Variants in HIVEP3 observed in about 807,000 individuals in gnomAD.
HIVEP3 encodes the protein HIVEP zinc finger 3.
HIVEP3 carries 49 observed loss-of-function variants against 152.8 expected under a neutral mutation model. The ratio of observed to expected loss-of-function variants is 0.32; its 90% CI spans 0.26 to 0.41. The LOEUF is 0.41. Ranked by LOEUF, HIVEP3 falls within the 10% of genes least tolerant of loss-of-function variation. The pLI is 1.00. For missense variants in HIVEP3, 2,790 were observed against 3,103.3 expected (o/e 0.90, Z 2.40); for synonymous variants, 1,269 against 1,289.0 (o/e 0.98, Z 0.33).
At chr1:41,517,108 C>T (rs1199584962) in intron 7 of HIVEP3, among the ~76,000 whole-genome samples, 1 of 152,218 alleles carries the variant, frequency 6.6e-6, no homozygotes, top group African/African-American at 2.4e-5. Flanking sequence ...AAAAGTGGCT[C>T]TGAGCATCCT....
intron 1 of HIVEP3, among the ~76,000 whole-genome samples, chr1:41,746,308 T>C (rs1166685882): frequency 6.6e-6 from 1 of 152,258 alleles, no homozygotes; most frequent in Admixed American, 6.5e-5. Flanking sequence ...TCAACCCCGT[T>C]TGCTTCAGAT....
At chr1:41,972,895 CTT>C (rs1645238851) in intron 1 of HIVEP3, among the ~76,000 whole-genome samples, 1 of 152,016 alleles carries the variant, frequency 6.6e-6, no homozygotes, top group South Asian at 2.1e-4. Flanking sequence ...TTTGGAAACT[CTT>C]TTCAATAATT....
At chr1:41,780,601 G>A (rs1467944173) in intron 1 of HIVEP3, among the ~76,000 whole-genome samples, 1 of 152,202 alleles carries the variant, frequency 6.6e-6, no homozygotes, top group Non-Finnish European at 1.5e-5. Context: ...TCTGGGGAAA[G>A]GATAAGGCAG....
intron 1 of HIVEP3, among the ~76,000 whole-genome samples, chr1:41,978,325 G>GCCC (rs1015786913): frequency 2.0e-5 from 3 of 152,050 alleles, no homozygotes; most frequent in Admixed American, 2.0e-4. Flanking sequence ...GAAGCCCTAA[G>GCCC]CCCCGATATG....
chr1:41,723,500 A>G (rs60788313), intron 1 of HIVEP3, among the ~76,000 whole-genome samples: 26 of 102,508 alleles, frequency 2.5e-4, no homozygotes, highest in African/African-American at 1.4e-3. Context: ...ACACACAGCC[A>G]CCACACACAC....
intron 5 of HIVEP3, among the ~76,000 whole-genome samples, chr1:41,550,869 C>T (rs1643886759): frequency 6.6e-6 from 1 of 152,186 alleles, no homozygotes; most frequent in Non-Finnish European, 1.5e-5. Flanking sequence ...CCCTTTATTT[C>T]TTTCTCTTGC....
Position 41,700,919 on chromosome 1 carries a change from C to A in HIVEP3, c.-724G>T. On this transcript the variant is annotated 5_prime_UTR_variant, in exon 2 of 9. Transcript: ENST00000372583. ...GTGGGGGATGGGGAGGGCTCACCTG[C>A]CAAAAACCAGCCGTGGTCTCATGGT... 2 of 985,160 alleles carry A rather than the reference C, an allele frequency of 2.0e-6. No homozygotes were observed. The highest frequency in any genetic ancestry group is 2.3e-4 in the East Asian group (2 of 8,818). The allele number at this position is 985,160 out of a possible 1,614,324, so 61.0% of individuals were successfully genotyped here.
intron 1 of HIVEP3, among the ~76,000 whole-genome samples, chr1:41,745,717 G>A (rs1305645206): frequency 6.6e-6 from 1 of 152,236 alleles, no homozygotes; most frequent in African/African-American, 2.4e-5. Context: ...AGGGCAGGAT[G>A]ACGTGGATGA....
At position 41,513,503 on chromosome 1, in the gene HIVEP3, G is replaced by C. The variant is rs141816288; in HGVS notation, c.5718C>G (p.Pro1906=). 2 of 1,603,802 alleles carry C rather than the reference G, an allele frequency of 1.2e-6. No individual in the cohort carries two copies. Among genetic ancestry groups the C allele is most frequent in the African/African-American group, 1.3e-5 (1 of 74,900 alleles). The part of the protein sequence containing the change: ...PILGPQPPDA[P]ASGTEATRGS... ...CTCGTGTAGCCTCCGTGCCAGAGGC[G>C]GGGGCATCTGGGGGCTGAGGGCCCA... Residue 1906 remains proline (P), a synonymous_variant, in exon 8 of 9, where the codon CCC becomes CCG. Coordinates refer to ENST00000372583, the MANE Select transcript of HIVEP3 (RefSeq NM_024503.5).
chr1:41,987,784 C>G (rs1645332737), intron 1 of HIVEP3, among the ~76,000 whole-genome samples: 1 of 152,182 alleles, frequency 6.6e-6, no homozygotes, highest in Non-Finnish European at 1.5e-5. Context: ...GCTTAATTGA[C>G]TCAGTTCTGC....
intron 6 of HIVEP3, among the ~76,000 whole-genome samples, chr1:41,522,403 T>C (rs1642782498): frequency 6.6e-6 from 1 of 152,228 alleles, no homozygotes; most frequent in Non-Finnish European, 1.5e-5. Flanking sequence ...GCTCCCTTCG[T>C]TGGTTCTGGA....
intron 3 of HIVEP3, among the ~76,000 whole-genome samples, chr1:41,593,772 C>A (rs986953786): frequency 6.6e-6 from 1 of 152,234 alleles, no homozygotes; most frequent in Non-Finnish European, 1.5e-5. Context: ...TGGCTTAATG[C>A]AAAATTTACT....
Position 41,562,618 on chromosome 1 carries a change from T to TCC in HIVEP3, c.5207+12925_5207+12926insGG, listed in dbSNP as rs1219183721. On this transcript the variant is annotated intron_variant, in intron 5 of 8. Coordinates refer to ENST00000372583, the MANE Select transcript of HIVEP3 (RefSeq NM_024503.5). ...TCCTTTCTTTCTCTCTCTCTCTCTC[T>TCC]CTCTCTCTCTCTCTCCCTCTCTCTC... 6.9e-3 allele frequency among the ~76,000 whole-genome samples: 784 copies of TCC among 114,082 alleles called. 1 individual carries two copies. Among genetic ancestry groups the TCC allele is most frequent in the Middle Eastern group, 0.021 (5 of 238 alleles). The allele number at this position is 114,082 out of a possible 152,430, so 74.8% of individuals were successfully genotyped here. A position where few individuals can be genotyped will look rare whatever the true frequency, so the allele number is the denominator to read the frequency against.
intron 1 of HIVEP3, among the ~76,000 whole-genome samples, chr1:41,875,465 GC>G (rs545448721): frequency 6.4e-4 from 97 of 152,344 alleles, no homozygotes; most frequent in Non-Finnish European, 1.3e-3. Flanking sequence ...AGCATACAGA[GC>G]TATCCCATGA....
chr1:41,974,363 C>T (rs907658201), intron 1 of HIVEP3, among the ~76,000 whole-genome samples: 1 of 151,904 alleles, frequency 6.6e-6, no homozygotes, highest in Admixed American at 6.6e-5. Context: ...CCTGTCCAAA[C>T]CCTTCCCTTC....
chr1:41,693,109 C>A (rs1646221014), intron 2 of HIVEP3, among the ~76,000 whole-genome samples: 1 of 152,154 alleles, frequency 6.6e-6, no homozygotes, highest in Non-Finnish European at 1.5e-5. Flanking sequence ...GGCCAGGTGG[C>A]TTGAAACAAG....
intron 1 of HIVEP3, among the ~76,000 whole-genome samples, chr1:41,869,098 T>A (rs908295227): frequency 1.3e-5 from 2 of 152,186 alleles, no homozygotes; most frequent in Admixed American, 1.3e-4. Context: ...CTACACCCTA[T>A]AGGCTACTTA....
chr1:41,506,561 ACT>A lies in HIVEP3; in HGVS notation c.*3888_*3889del, dbSNP rs1407759004. The stretch of plus-strand genomic sequence containing the variant: ...GAGCATTTTTCCTTTTGTACGTCAG[ACT>A]CTGTGCTTTAGACCTGCGTGGATTT... On this transcript the variant is annotated 3_prime_UTR_variant, in exon 9 of 9. Transcript: ENST00000372583. 12 of 149,476 alleles carry A rather than the reference ACT, an allele frequency of 8.0e-5. No homozygotes were observed. Among genetic ancestry groups the A allele is most frequent in the Admixed American group, 8.0e-4 (12 of 15,086 alleles). The allele number at this position is 149,476 out of a possible 1,614,324, so 9.3% of individuals were successfully genotyped here. A position where few individuals can be genotyped will look rare whatever the true frequency, so the allele number is the denominator to read the frequency against.
chr1:41,651,779 T>A (rs1291414018), intron 2 of HIVEP3, among the ~76,000 whole-genome samples: 3 of 152,198 alleles, frequency 2.0e-5, no homozygotes, highest in Non-Finnish European at 4.4e-5. Context: ...TTTTTAAAAA[T>A]TTTTTTACAT....
Sources: gnomAD v4.1 joint callset for allele counts (sites outside exome capture counted in the v4.1 genomes callset) on GRCh38, gnomAD v4.1.1 for gene constraint, MANE v1.5 for transcripts, NCBI Gene and HGNC (gene_info 2026-07-23, HGNC 2026-07-21) for gene names.